The following SMAD9 variants were observed in gnomAD, a reference collection of about 807,000 sequenced individuals.
The protein encoded by SMAD9 is MAD homolog 9.
SMAD9 carries 36 observed loss-of-function variants against 46.1 expected under a neutral mutation model. The observed-to-expected ratio is 0.78, with a 90% CI of 0.60 to 1.03. The LOEUF (loss-of-function observed/expected upper bound fraction) is 1.03. Ranked by LOEUF, SMAD9 falls within the 50% of genes least tolerant of loss-of-function variation. SMAD9 has a pLI of 0.00. For synonymous variants in SMAD9, 245 were observed against 237.1 expected (o/e 1.03, Z -0.31); for missense variants, 572 against 599.8 (o/e 0.95, Z 0.48).
chr13:36,909,561 T>C (rs763820213), intron 1 of SMAD9, among the ~76,000 whole-genome samples: 6 of 152,216 alleles, frequency 3.9e-5, no homozygotes, highest in Non-Finnish European at 7.3e-5. Flanking sequence ...AAATGTGTTA[T>C]TTTATTATTT....
chr13:36,897,759 G>GCT (rs1391356382), intron 1 of SMAD9, among the ~76,000 whole-genome samples: 4 of 150,646 alleles, frequency 2.7e-5, no homozygotes, highest in African/African-American at 9.8e-5. Flanking sequence ...AGTTATAATT[G>GCT]CTCAATTCAT....
At chr13:36,848,893 G>A (rs2058053320) in intron 6 of SMAD9, 74 bp from the exon 7 acceptor site, 7 of 1,502,076 alleles carry the variant, frequency 4.7e-6, no homozygotes, top group Non-Finnish European at 3.7e-6. Flanking sequence ...GCAGAGCTCA[G>A]CGGGGCACAG....
At chr13:36,889,360 C>T (rs1008948962) in intron 1 of SMAD9, among the ~76,000 whole-genome samples, 7 of 152,234 alleles carry the variant, frequency 4.6e-5, no homozygotes, top group African/African-American at 1.7e-4. Flanking sequence ...TTGCACTTTC[C>T]AGTTAGACAG....
chr13:36,856,948 G>A lies in SMAD9; in HGVS notation c.1004-3273C>T, dbSNP rs543440025. Reference sequence around the variant, plus strand: ...CTCCCGAGTAGCTGGGATTACAGGCGCCTGCCACCACACCTGGCTAATTTT... The same window carrying A: ...CTCCCGAGTAGCTGGGATTACAGGCACCTGCCACCACACCTGGCTAATTTT... On this transcript the variant is annotated intron_variant, in intron 5 of 6. Coordinates refer to ENST00000379826, the MANE Select transcript of SMAD9 (RefSeq NM_001127217.3). 8.6e-5 allele frequency among the ~76,000 whole-genome samples: 13 copies of A among 151,948 alleles called. No homozygotes were observed. In the South Asian group the frequency reaches 1.3e-3, roughly 15 times the overall value.
At chr13:36,859,082 T>C (rs181315081) in intron 5 of SMAD9, among the ~76,000 whole-genome samples, 2 of 152,354 alleles carry the variant, frequency 1.3e-5, no homozygotes, top group East Asian at 3.9e-4. Flanking sequence ...CAGTTAATAA[T>C]ATCTTGTGAA....
rs138822893 is a variant in SMAD9 at position 36,872,879 on chromosome 13, T to C, written c.449A>G (p.Tyr150Cys). 1.1e-4 allele frequency: 185 copies of C among 1,614,142 alleles called. No individual in the cohort carries two copies. The highest frequency in any genetic ancestry group is 1.7e-4 in the Middle Eastern group (1 of 6,060). ...PPVLVPRHSE[Y>C]NPQLSLLAKF... Reference sequence around the variant, plus strand: ...GGCCAGGAGGCTGAGCTGGGGGTTATATTCACTGTGTCTTGGCACGAGCAC... The same window carrying C: ...GGCCAGGAGGCTGAGCTGGGGGTTACATTCACTGTGTCTTGGCACGAGCAC... The change falls in exon 3 of 7, where the codon TAT becomes TGT. Residue 150 changes from tyrosine (Y) to cysteine (C), a missense_variant. Coordinates refer to ENST00000379826, the MANE Select transcript of SMAD9 (RefSeq NM_001127217.3).
At chr13:36,884,002 T>C (rs576434) in intron 1 of SMAD9, among the ~76,000 whole-genome samples, 65,725 of 151,898 alleles carry the variant, frequency 0.43, 14,327 homozygotes, top group Middle Eastern at 0.47. Context: ...ACTCCATGGC[T>C]GTTGGCTGGA....
At chr13:36,917,127 G>A (rs1443553554) in intron 1 of SMAD9, among the ~76,000 whole-genome samples, 2 of 152,078 alleles carry the variant, frequency 1.3e-5, no homozygotes, top group African/African-American at 2.4e-5. Context: ...TCAGGATGAA[G>A]ACCACCAAGC....
rs528683046 is a variant in SMAD9, at chr13:36,848,817, AC to A, written c.1262del (p.Gly421ValfsTer33). 1.2e-6 allele frequency: 2 copies of A among 1,613,704 alleles called. No homozygotes were observed. The highest frequency in any genetic ancestry group is 1.7e-6 in the Non-Finnish European group (2 of 1,179,998). ...MCTIRMSFVKGWGAEYHRQDV... is the reference protein window; with the variant it reads ...MCTIRMSFVKXWGAEYHRQDV... The stretch of plus-strand genomic sequence containing the variant: ...CCTGGCGATGATACTCAGCACCCCA[AC>A]CCTGAAAAACAAGAAAGGAGCTGAG... On this transcript the variant is annotated frameshift_variant and splice_region_variant, in exon 7 of 7. Transcript: ENST00000379826. LOFTEE classifies it high-confidence loss of function.
In SMAD9 at chr13:36,879,462, G is replaced by C; in HGVS notation, c.228C>G (p.Asp76Glu). The C allele has an allele frequency of 6.2e-7, 1 of 1,613,776 alleles. No individual in the cohort carries two copies. Among genetic ancestry groups the C allele is most frequent in the African/African-American group, 1.3e-5 (1 of 75,072 alleles). ...TGCGGTGGGACACCTGCAGCCGCCC[G>C]TCCAGGGAGCGGGGAATCGTGACGC... is the stretch of plus-strand genomic sequence containing the variant. ...SKCVTIPRSL[D>E]GRLQVSHRKG... Residue 76 changes from aspartate (D) to glutamate (E), a missense_variant, in exon 2 of 7, where the codon GAC becomes GAG. Coordinates refer to ENST00000379826, the MANE Select transcript of SMAD9 (RefSeq NM_001127217.3).
chr13:36,858,850 C>A (rs763575854), intron 5 of SMAD9, among the ~76,000 whole-genome samples: 1 of 152,136 alleles, frequency 6.6e-6, no homozygotes, highest in Admixed American at 6.5e-5. Context: ...GTTGGGGCTA[C>A]AGATGCACGC....
chr13:36,913,078 C>G (rs1297050891), intron 1 of SMAD9, among the ~76,000 whole-genome samples: 1 of 152,038 alleles, frequency 6.6e-6, no homozygotes, highest in Admixed American at 6.6e-5. Flanking sequence ...GTTTTTATAT[C>G]TTATTTTTTA....
At chr13:36,912,044 T>C (rs933256472) in intron 1 of SMAD9, among the ~76,000 whole-genome samples, 1 of 152,172 alleles carries the variant, frequency 6.6e-6, no homozygotes, top group African/African-American at 2.4e-5. Context: ...AAGAGAAGCA[T>C]GAAGCAGTGG....
intron 1 of SMAD9, among the ~76,000 whole-genome samples, chr13:36,886,036 T>C (rs895638945): frequency 6.6e-6 from 1 of 152,168 alleles, no homozygotes; most frequent in African/African-American, 2.4e-5. Flanking sequence ...GAGAGGCAGA[T>C]GGCCAACGCA....
At chr13:36,877,395 T>C (rs1423431525) in intron 2 of SMAD9, among the ~76,000 whole-genome samples, 2 of 152,212 alleles carry the variant, frequency 1.3e-5, no homozygotes, top group African/African-American at 4.8e-5. Context: ...CAAATAGTTC[T>C]TTAAAATTAG....
At chr13:36,907,241 G>A (rs959113240) in intron 1 of SMAD9, among the ~76,000 whole-genome samples, 2 of 152,138 alleles carry the variant, frequency 1.3e-5, no homozygotes, top group Non-Finnish European at 2.9e-5. Flanking sequence ...TAAGAGAAGG[G>A]GAAAATGGGG....
intron 1 of SMAD9, among the ~76,000 whole-genome samples, chr13:36,907,163 T>C (rs1009475397): frequency 1.3e-5 from 2 of 152,314 alleles, no homozygotes; most frequent in African/African-American, 4.8e-5. Flanking sequence ...TGATTCCACT[T>C]ACTTATATGA....
At chr13:36,860,902 T>C (rs530443) in intron 5 of SMAD9, among the ~76,000 whole-genome samples, 2,612 of 152,284 alleles carry the variant, frequency 0.017, 83 homozygotes, top group African/African-American at 0.059. Context: ...TGGAATGAGA[T>C]GTTCCAGGCT....
rs565048520 is a variant in SMAD9 at position 36,879,282 on chromosome 13, AG to A, written c.407del (p.Thr136IlefsTer110). On this transcript the variant is annotated frameshift_variant, in exon 2 of 7. Transcript: ENST00000379826. LOFTEE classifies it high-confidence loss of function. Reference sequence around the variant, plus strand: ...GACGTCGTAAAGACGACCCACCTGGAGTCTCCACCCGGCGGTAGTGGTAAGG... The same window carrying A: ...GACGTCGTAAAGACGACCCACCTGGATCTCCACCCGGCGGTAGTGGTAAGG... ...INPYHYRRVE[T>X]PVLPPVLVPR... 6.2e-7 allele frequency: 1 copy of A among 1,613,664 alleles called. No homozygotes were observed. Among genetic ancestry groups the A allele is most frequent in the Non-Finnish European group, 8.5e-7 (1 of 1,179,824 alleles).
Sources: gnomAD v4.1 joint callset for allele counts (sites outside exome capture counted in the v4.1 genomes callset) on GRCh38, gnomAD v4.1.1 for gene constraint, MANE v1.5 for transcripts, NCBI Gene and HGNC (gene_info 2026-07-23, HGNC 2026-07-21) for gene names.